GGT1: variants seen among roughly 807,000 people sequenced by gnomAD.
The protein encoded by GGT1 is gamma-glutamyltransferase 1.
GGT1 carries 21 observed loss-of-function variants against 56.0 expected under a neutral mutation model. The observed-to-expected ratio is 0.38, with a 90% CI of 0.27 to 0.54. The LOEUF (loss-of-function observed/expected upper bound fraction) is 0.54, where lower values mean the gene tolerates loss of function less well. Ranked by LOEUF, GGT1 falls within the 20% of genes least tolerant of loss-of-function variation. GGT1 has a pLI of 0.82. For missense variants in GGT1, 466 were observed against 787.0 expected (o/e 0.59, Z 4.88); for synonymous variants, 238 against 342.6 (o/e 0.69, Z 3.37).
chr22:24,586,170 G>C, the GGT1 span: 1 of 1,613,596 alleles, frequency 6.2e-7, no homozygotes, highest in Non-Finnish European at 8.5e-7. Context: ...GCAGTGGCCC[G>C]CGTCAGTCGG....
At chr22:24,584,909 T>C in the GGT1 span, among the ~76,000 whole-genome samples, 3 of 151,894 alleles carry the variant, frequency 2.0e-5, no homozygotes, top group South Asian at 6.2e-4. Flanking sequence ...GAGCCCACCC[T>C]GATGGTGCTT....
At chr22:24,587,518 CAG>C in the GGT1 span, among the ~76,000 whole-genome samples, 1 of 152,182 alleles carries the variant, frequency 6.6e-6, no homozygotes, top group Non-Finnish European at 1.5e-5. Flanking sequence ...CAAGGTGGGA[CAG>C]GGGTGGAGGG....
rs1335804325 is a variant in GGT1, at chr22:24,605,045, A to AT, written c.-429+1518_-429+1519insT. On this transcript the variant is annotated intron_variant, in intron 1 of 15. Coordinates refer to ENST00000400382, the MANE Select transcript of GGT1 (RefSeq NM_001288833.2). The stretch of plus-strand genomic sequence containing the variant: ...TGTCATATATATATATAAAATATGT[A>AT]ATATATTATATATTATATGTAATAT... Among the ~76,000 whole-genome samples the AT allele has an allele frequency of 4.9e-4, 32 of 64,734 alleles. 2 individuals are homozygous for AT. Among genetic ancestry groups the AT allele is most frequent in the Non-Finnish European group, 6.4e-4 (24 of 37,236 alleles). 42.5% of individuals were successfully genotyped at this position (64,734 alleles called of 152,430 possible). A position where few individuals can be genotyped will look rare whatever the true frequency, so the allele number is the denominator to read the frequency against.
intron 5 of GGT1, among the ~76,000 whole-genome samples, chr22:24,613,152 T>G (rs539203868): frequency 6.6e-6 from 1 of 152,234 alleles, no homozygotes; most frequent in Non-Finnish European, 1.5e-5. Context: ...CATAGCTCAC[T>G]GCAGCCTTGA....
chr22:24,626,833 C>T (rs2047813715), intron 11 of GGT1, among the ~76,000 whole-genome samples: 1 of 151,202 alleles, frequency 6.6e-6, no homozygotes, highest in South Asian at 2.1e-4. Context: ...GTGGGATGGG[C>T]CCCAGCCTGC....
At chr22:24,587,429 G>A in the GGT1 span, among the ~76,000 whole-genome samples, 1 of 152,188 alleles carries the variant, frequency 6.6e-6, no homozygotes. Context: ...TGACAGCAGT[G>A]AGCACACCCT....
At chr22:24,613,529 C>T (rs1209194149) in intron 5 of GGT1, among the ~76,000 whole-genome samples, 2 of 149,532 alleles carry the variant, frequency 1.3e-5, no homozygotes, top group African/African-American at 2.5e-5. Context: ...GCGGGCAGAC[C>T]ACCCGAGGTC....
At position 24,628,880 on chromosome 22, in the gene GGT1, A is replaced by T. The variant is rs528441424; in HGVS notation, c.*41A>T. 5.1e-4 allele frequency: 811 copies of T among 1,587,744 alleles called. 4 individuals are homozygous for T. In the African/African-American group the frequency reaches 0.01, roughly 20 times the overall value. On this transcript the variant is annotated 3_prime_UTR_variant, in exon 16 of 16. Coordinates refer to ENST00000400382, the MANE Select transcript of GGT1 (RefSeq NM_001288833.2). This position sits in a 1 kb window ranked among gnomAD's most constrained non-coding sequence, Gnocchi z 5.7. ...AAGGCTGACAAGCAATCCAGGGACA[A>T]GATACTCACCAGGACCAGGAAGGGG...
At chr22:24,600,128 AG>A (rs1200037416), upstream of GGT1, among the ~76,000 whole-genome samples, 3 of 152,156 alleles carry the variant, frequency 2.0e-5, no homozygotes, top group Admixed American at 1.3e-4. Flanking sequence ...GGCGGCCAGG[AG>A]GGGGGCCCTT....
chr22:24,586,911 T>C, the GGT1 span, among the ~76,000 whole-genome samples: 1 of 152,270 alleles, frequency 6.6e-6, no homozygotes, highest in African/African-American at 2.4e-5. Context: ...TGGGACGTGG[T>C]TGTTGTGAGG....
At chr22:24,602,932 G>A (rs8138050), upstream of GGT1, among the ~76,000 whole-genome samples, 16,221 of 151,340 alleles carry the variant, frequency 0.11, 2,214 homozygotes, top group African/African-American at 0.35. Flanking sequence ...TCTGCCTCCC[G>A]CTGAAACCCA....
chr22:24,622,570 CAAAA>C (rs765739641), intron 9 of GGT1, among the ~76,000 whole-genome samples: 47 of 149,500 alleles, frequency 3.1e-4, no homozygotes, highest in Non-Finnish European at 5.5e-4. Context: ...TCTCAAAAAA[CAAAA>C]AAAAAGTAGC....
rs1234313905 is a variant in GGT1 at position 24,619,226 on chromosome 22, C to T, written c.383-1102C>T. 3.9e-5 allele frequency among the ~76,000 whole-genome samples: 6 copies of T among 152,036 alleles called. No individual in the cohort carries two copies. In the East Asian group the frequency reaches 5.8e-4, roughly 15 times the overall value. On this transcript the variant is annotated intron_variant, in intron 7 of 15. Coordinates refer to ENST00000400382, the MANE Select transcript of GGT1 (RefSeq NM_001288833.2). Reference sequence around the variant, plus strand: ...CAGCCTGACCAACCTGGTGAAACCCCGTCTCTACTAAAAATACAAAAATTA... The same window carrying T: ...CAGCCTGACCAACCTGGTGAAACCCTGTCTCTACTAAAAATACAAAAATTA...
upstream of GGT1, chr22:24,594,676 C>T (rs1016614809): frequency 7.2e-5 from 11 of 152,574 alleles, no homozygotes; most frequent in African/African-American, 2.4e-4. Flanking sequence ...AGCCTCTCCT[C>T]CCACTCCAGT....
chr22:24,628,430 C>T lies in GGT1; in HGVS notation c.1563+42C>T, dbSNP rs768414903. The T allele has an allele frequency of 3.1e-6, 5 of 1,607,914 alleles. No individual in the cohort carries two copies. Among genetic ancestry groups the T allele is most frequent in the Non-Finnish European group, 4.2e-6 (5 of 1,179,838 alleles). On this transcript the variant is annotated intron_variant, in intron 15 of 15. Coordinates refer to ENST00000400382, the MANE Select transcript of GGT1 (RefSeq NM_001288833.2). The surrounding 1 kb of genome is among the most constrained non-coding windows in gnomAD (Gnocchi z 5.7). ...AGAAACTGAGTCAAGGTGTGGGGCC[C>T]CAGGGCATCCTGGGCTGGAGGCCTG...
At chr22:24,594,384 CGTGTGTATGT>C (rs55641829), upstream of GGT1, among the ~76,000 whole-genome samples, 1,400 of 140,186 alleles carry the variant, frequency 1.0e-2, 15 homozygotes, top group South Asian at 0.017. Context: ...GCCAAGCACC[CGTGTGTATGT>C]GTGTGTGTGT....
At chr22:24,588,336 G>A in the GGT1 span, 54 of 1,605,094 alleles carry the variant, frequency 3.4e-5, no homozygotes, top group African/African-American at 4.5e-4. Context: ...AGTCCTGTGG[G>A]AGGGCAGTGT....
At chr22:24,602,995 T>C (rs964641613), upstream of GGT1, among the ~76,000 whole-genome samples, 1 of 152,196 alleles carries the variant, frequency 6.6e-6, no homozygotes, top group African/African-American at 2.4e-5. Flanking sequence ...CATTCAGGGT[T>C]TGAGACCCCA....
At position 24,620,906 on chromosome 22, in the gene GGT1, G is replaced by A. The variant is rs561078506; in HGVS notation, c.576-7G>A. ...CTGCTGCCTCACATGAGCCCCCTCT[G>A]CCCCAGTGAGGTGTTCTGCCGGGAT... On this transcript the variant is annotated splice_polypyrimidine_tract_variant and splice_region_variant and intron_variant, in intron 8 of 15. Transcript: ENST00000400382. The surrounding 1 kb of genome is among the most constrained non-coding windows in gnomAD (Gnocchi z 5.6). 1.9e-6 allele frequency: 3 copies of A among 1,611,714 alleles called. No homozygotes were observed. In the Admixed American group the frequency reaches 5.0e-5, roughly 27 times the overall value.
Sources: allele counts gnomAD v4.1 joint callset (sites outside exome capture counted in the v4.1 genomes callset), GRCh38; gene constraint gnomAD v4.1.1; non-coding constraint Gnocchi (gnomAD v3.1); transcripts MANE v1.5; gene names NCBI Gene and HGNC (gene_info 2026-07-23, HGNC 2026-07-21).